WASF1: variants seen among roughly 807,000 people sequenced by gnomAD.
WASF1 encodes actin-binding protein WASF1.
WASF1 carries 7 observed loss-of-function variants against 50.5 expected under a neutral mutation model. That is an observed-to-expected ratio of 0.14 (90% CI 0.08 to 0.26). The LOEUF (loss-of-function observed/expected upper bound fraction) is 0.26, where lower values mean the gene tolerates loss of function less well. Ranked by LOEUF, WASF1 falls within the 10% of genes least tolerant of loss-of-function variation. The pLI, the probability that WASF1 is intolerant of heterozygous loss-of-function variation, is 1.00. For missense variants in WASF1, 470 were observed against 694.7 expected, an observed-to-expected ratio of 0.68 and a Z score of 3.64; for synonymous variants, 205 against 244.0, an observed-to-expected ratio of 0.84 and a Z score of 1.49.
At chr6:110,106,964 A>G in intron 7 of WASF1, 113 bp downstream of exon 7, 3 of 758,840 alleles carry the variant, frequency 4.0e-6, no homozygotes, top group South Asian at 1.6e-5. Flanking sequence ...GTATTTAACT[A>G]TATGGACCCA....
At chr6:110,131,579 T>C (rs1043373596) in intron 3 of WASF1, among the ~76,000 whole-genome samples, 3 of 152,162 alleles carry the variant, frequency 2.0e-5, no homozygotes, top group Non-Finnish European at 4.4e-5. Context: ...GTAATCTTGG[T>C]TCACTGCAAC....
chr6:110,168,611 C>G (rs1030739793), intron 2 of WASF1, among the ~76,000 whole-genome samples: 11 of 152,152 alleles, frequency 7.2e-5, no homozygotes, highest in Non-Finnish European at 1.3e-4. Flanking sequence ...AAGCCTAGAG[C>G]AACTGTTAGA....
At chr6:110,121,414 C>T (rs1014920229) in intron 4 of WASF1, among the ~76,000 whole-genome samples, 4 of 152,128 alleles carry the variant, frequency 2.6e-5, no homozygotes, top group Non-Finnish European at 5.9e-5. Flanking sequence ...ATTTACACAG[C>T]CAACAGACAT....
In WASF1 at chr6:110,145,026, T is replaced by C. The variant is rs570638250; in HGVS notation, c.-29+15609A>G. Among the ~76,000 whole-genome samples, 7 of 152,320 alleles carry C rather than the reference T, an allele frequency of 4.6e-5. No homozygotes were observed. In the South Asian group the frequency reaches 6.2e-4, roughly 14 times the overall value. On this transcript the variant is annotated intron_variant, in intron 3 of 10. Transcript: ENST00000392589. ...CATTGGTAGCTTGATGGGGATGGCATTGAATCTATAAATTACCTTGGGCAG... is the reference window on the plus strand; with the variant it reads ...CATTGGTAGCTTGATGGGGATGGCACTGAATCTATAAATTACCTTGGGCAG...
At chr6:110,131,442 T>A (rs1027941781) in intron 3 of WASF1, among the ~76,000 whole-genome samples, 1 of 152,208 alleles carries the variant, frequency 6.6e-6, no homozygotes, top group Non-Finnish European at 1.5e-5. Context: ...TCTATGTATT[T>A]TTAAATCAGA....
At chr6:110,108,739 G>A in intron 5 of WASF1, 58 bp from the exon 6 acceptor site, 1 of 1,506,770 alleles carries the variant, frequency 6.6e-7, no homozygotes, top group Non-Finnish European at 9.0e-7. Context: ...TTTAACATAA[G>A]GGCAAATTCA....
intron 8 of WASF1, among the ~76,000 whole-genome samples, chr6:110,104,892 G>C (rs984049542): frequency 2.0e-5 from 3 of 152,088 alleles, no homozygotes; most frequent in African/African-American, 7.2e-5. Flanking sequence ...TAGGGCCCCT[G>C]GCCACTAAGA....
intron 3 of WASF1, among the ~76,000 whole-genome samples, chr6:110,140,060 T>C (rs550095175): frequency 1.3e-5 from 2 of 152,292 alleles, no homozygotes; most frequent in East Asian, 1.9e-4. Flanking sequence ...TTGGGGCTGG[T>C]CACCTGAAAG....
At chr6:110,108,985 C>G (rs1017802364) in intron 5 of WASF1, among the ~76,000 whole-genome samples, 8 of 152,138 alleles carry the variant, frequency 5.3e-5, no homozygotes, top group Non-Finnish European at 1.2e-4. Flanking sequence ...TTTCTTCTAC[C>G]TGCCATCATG....
intron 2 of WASF1, among the ~76,000 whole-genome samples, chr6:110,163,116 CATA>C (rs1776326999): frequency 1.3e-5 from 2 of 151,502 alleles, no homozygotes; most frequent in South Asian, 4.1e-4. Context: ...AAATTAAAAA[CATA>C]ATAACATATG....
At chr6:110,125,548 T>C (rs1774381337) in intron 4 of WASF1, among the ~76,000 whole-genome samples, 1 of 152,210 alleles carries the variant, frequency 6.6e-6, no homozygotes, top group Non-Finnish European at 1.5e-5. Context: ...GGTTATTTTA[T>C]GTGCATGGTC....
intron 3 of WASF1, among the ~76,000 whole-genome samples, chr6:110,145,198 G>A (rs1775496971): frequency 6.6e-6 from 1 of 152,074 alleles, no homozygotes; most frequent in Non-Finnish European, 1.5e-5. Flanking sequence ...TGGATTCCTA[G>A]GTATTTTATT....
chr6:110,161,130 T>C (rs1337966918), intron 2 of WASF1, among the ~76,000 whole-genome samples: 2 of 151,608 alleles, frequency 1.3e-5, no homozygotes, highest in Non-Finnish European at 3.0e-5. Flanking sequence ...AACTTCTAAG[T>C]TCAGAAGATA....
rs778710982 is a variant in WASF1 at position 110,135,876 on chromosome 6, C to CTTTTTTT, written c.-28-8254_-28-8248dup. On this transcript the variant is annotated intron_variant, in intron 3 of 10. Coordinates refer to ENST00000392589, the MANE Select transcript of WASF1 (RefSeq NM_003931.3). The stretch of plus-strand genomic sequence containing the variant: ...TCCATGAGAGAAAACAGTCCATTAT[C>CTTTTTTT]TTTTTTTTTTTTTTTTTTTTTTTTT... Among the ~76,000 whole-genome samples, 197 of 68,320 alleles carry CTTTTTTT rather than the reference C, an allele frequency of 2.9e-3. 2 individuals carry two copies. Among genetic ancestry groups the CTTTTTTT allele is most frequent in the Middle Eastern group, 0.015 (1 of 66 alleles). 44.8% of individuals were successfully genotyped at this position (68,320 alleles called of 152,430 possible). A position where few individuals can be genotyped will look rare whatever the true frequency, so the allele number is the denominator to read the frequency against.
intron 3 of WASF1, among the ~76,000 whole-genome samples, chr6:110,135,686 T>C: frequency 6.6e-6 from 1 of 151,556 alleles, no homozygotes; most frequent in Non-Finnish European, 1.5e-5. Flanking sequence ...GGAGTTAAGA[T>C]TTCTAATCAG....
chr6:110,136,977 T>C (rs1774997170), intron 3 of WASF1, among the ~76,000 whole-genome samples: 1 of 152,242 alleles, frequency 6.6e-6, no homozygotes, highest in African/African-American at 2.4e-5. Flanking sequence ...TCTCAGTTTG[T>C]AATTATGTAT....
chr6:110,108,694 T>C lies in WASF1; in HGVS notation c.269-13A>G. 1.1e-5 allele frequency: 17 copies of C among 1,604,134 alleles called. No individual in the cohort carries two copies. The highest frequency in any genetic ancestry group is 2.2e-5 in the East Asian group (1 of 44,572). On this transcript the variant is annotated splice_polypyrimidine_tract_variant and intron_variant, in intron 5 of 10. Transcript: ENST00000392589. ...TCTTGCAAAGACACTAAAACAAAAATCAAGAATTCATTTTATTTTATTTTA... is the reference window on the plus strand; with the variant it reads ...TCTTGCAAAGACACTAAAACAAAAACCAAGAATTCATTTTATTTTATTTTA...
chr6:110,129,794 G>A (rs935087040), intron 3 of WASF1, among the ~76,000 whole-genome samples: 3 of 152,190 alleles, frequency 2.0e-5, no homozygotes, highest in African/African-American at 7.2e-5. Flanking sequence ...ATTGTGCTAA[G>A]TAAATACTTC....
At chr6:110,144,068 C>T (rs1775408235) in intron 3 of WASF1, among the ~76,000 whole-genome samples, 1 of 152,140 alleles carries the variant, frequency 6.6e-6, no homozygotes, top group African/African-American at 2.4e-5. Flanking sequence ...AACTAGTTTA[C>T]AGTCCCACCA....
Sources: gnomAD v4.1 joint callset for allele counts (sites outside exome capture counted in the v4.1 genomes callset) on GRCh38, gnomAD v4.1.1 for gene constraint, MANE v1.5 for transcripts, NCBI Gene and HGNC (gene_info 2026-07-23, HGNC 2026-07-21) for gene names.